The following CLCN6 variants were observed in gnomAD, a reference collection of about 807,000 sequenced individuals.
CLCN6 encodes Cl-/H+ antiporter 6, also known as H(+)/Cl(-) exchange transporter 6.
Under a neutral mutation model 109.8 loss-of-function variants are expected in CLCN6, and 70 were observed. That is an observed-to-expected ratio of 0.64 (90% CI 0.53 to 0.78). The LOEUF (loss-of-function observed/expected upper bound fraction) is 0.78, where lower values mean the gene tolerates loss of function less well. Among genes scored for constraint, CLCN6 ranks in the 30% least tolerant of loss-of-function variants. The pLI is 0.00. For synonymous variants in CLCN6, 444 were observed against 447.8 expected (o/e 0.99, Z 0.11); for missense variants, 984 against 1,142.3 (o/e 0.86, Z 2.00).
At chr1:11,816,064 A>G (rs1644666260) in intron 3 of CLCN6, 153 bp downstream of exon 3, 1 of 610,216 alleles carries the variant, frequency 1.6e-6, no homozygotes, top group Admixed American at 3.1e-5. Flanking sequence ...GCTTTGCTTT[A>G]TTTCACCTCG....
chr1:11,814,200 G>A (rs893934857), intron 2 of CLCN6, among the ~76,000 whole-genome samples: 2 of 151,396 alleles, frequency 1.3e-5, no homozygotes, highest in Non-Finnish European at 2.9e-5. Flanking sequence ...GTGGGAAGGA[G>A]AGCTGATGGC....
intron 22 of CLCN6, among the ~76,000 whole-genome samples, chr1:11,839,698 C>T (rs1306161269): frequency 1.3e-5 from 2 of 152,220 alleles, no homozygotes; most frequent in African/African-American, 2.4e-5. Context: ...TAGTTTATGA[C>T]GTGGCTTTGG....
Position 11,837,471 on chromosome 1 carries a change from G to A in CLCN6, c.2267G>A (p.Arg756Gln), listed in dbSNP as rs367545491. 11 of 1,613,874 alleles carry A rather than the reference G, an allele frequency of 6.8e-6. No homozygotes were observed. The highest frequency in any genetic ancestry group is 1.3e-5 in the African/African-American group (1 of 74,914). ...TCGCAGCTTGTCACCCTGCTTGTCC[G>A]AGGAGTTTGTTACTCTGAAAGCCAG... Reference protein sequence around the residue: ...LRSQLVTLLVRGVCYSESQSS... With the variant: ...LRSQLVTLLVQGVCYSESQSS... The change falls in exon 20 of 23, where the codon CGA becomes CAA. Residue 756 changes from arginine (R) to glutamine (Q), a missense_variant. Arg to Gln is a conservative substitution (Grantham distance 43, BLOSUM62 1). Coordinates refer to ENST00000346436, the MANE Select transcript of CLCN6 (RefSeq NM_001286.5).
intron 14 of CLCN6, 23 bp downstream of exon 14, chr1:11,833,661 A>G: frequency 6.2e-7 from 1 of 1,612,192 alleles, no homozygotes; most frequent in Middle Eastern, 1.7e-4. Context: ...ACTGCAGCCC[A>G]ATCGTGGGTG....
Position 11,812,719 on chromosome 1 carries a change from G to A in CLCN6, c.148-3127G>A, listed in dbSNP as rs1415669291. ...GTGTGTGTGTGTGTGTGTATTGTTG[G>A]GGCTCAGAAAATGATACCTGGAAAT... On this transcript the variant is annotated intron_variant, in intron 2 of 22. Coordinates refer to ENST00000346436, the MANE Select transcript of CLCN6 (RefSeq NM_001286.5). Among the ~76,000 whole-genome samples, 10 of 137,766 alleles carry A rather than the reference G, an allele frequency of 7.3e-5. No homozygotes were observed. In the East Asian group the frequency reaches 2.1e-3, roughly 29 times the overall value. The allele number at this position is 137,766 out of a possible 152,430, so 90.4% of individuals were successfully genotyped here.
intron 2 of CLCN6, among the ~76,000 whole-genome samples, chr1:11,810,370 T>C (rs778001268): frequency 1.3e-4 from 20 of 152,196 alleles, no homozygotes; most frequent in Non-Finnish European, 2.5e-4. Flanking sequence ...CTATTTATAT[T>C]GTACCTTTGA....
At chr1:11,815,941 A>T (rs768653151) in intron 3 of CLCN6, 30 bp downstream of exon 3, 24 of 1,539,310 alleles carry the variant, frequency 1.6e-5, no homozygotes, top group Non-Finnish European at 2.1e-5. Flanking sequence ...ATCTCTGGGG[A>T]TCAAATCAGT....
In CLCN6 at chr1:11,822,709, A is replaced by G. The variant is rs556415452; in HGVS notation, c.361A>G (p.Ser121Gly). 8 of 1,613,092 alleles carry G rather than the reference A, an allele frequency of 5.0e-6. No homozygotes were observed. Among genetic ancestry groups the G allele is most frequent in the Non-Finnish European group, 6.8e-6 (8 of 1,179,232 alleles). ...GVVQTSVEEC[S>G]QKGCLALSLL... Reference sequence around the variant, plus strand: ...AGTTTCCGCAGCGGTGGAGGAGTGCAGCCAGAAAGGCTGCCTCGCTCTGTC... The same window carrying G: ...AGTTTCCGCAGCGGTGGAGGAGTGCGGCCAGAAAGGCTGCCTCGCTCTGTC... Residue 121 changes from serine to glycine, a missense_variant, in exon 6 of 23, where the codon AGC becomes GGC. Coordinates refer to ENST00000346436, the MANE Select transcript of CLCN6 (RefSeq NM_001286.5).
chr1:11,811,824 A>G (rs1307343037), intron 2 of CLCN6, among the ~76,000 whole-genome samples: 1 of 152,200 alleles, frequency 6.6e-6, no homozygotes, highest in Non-Finnish European at 1.5e-5. Flanking sequence ...CTAGATATCT[A>G]AAAACCTTCT....
intron 12 of CLCN6, 150 bp downstream of exon 12, chr1:11,828,774 C>A: frequency 1.1e-6 from 1 of 893,770 alleles, no homozygotes; most frequent in South Asian, 1.7e-5. Flanking sequence ...TGCATCTTCC[C>A]TACTTGACAG....
Position 11,823,713 on chromosome 1 carries a change from G to T in CLCN6, c.460G>T (p.Ala154Ser), listed in dbSNP as rs376070186. The change falls in exon 7 of 23, where the codon GCA (alanine) becomes TCA (serine). Residue 154 changes from alanine to serine, a missense_variant. Transcript: ENST00000346436. ...GCCTGCTCTCCTCCATCAGCCGGTG[G>T]CAGCAGGTTCCGGGATACCCGAGGT... ...ASLLVLIEPV[A>S]AGSGIPEVKC... The T allele has an allele frequency of 1.9e-5, 31 of 1,614,210 alleles. No homozygotes were observed. In the East Asian group the frequency reaches 4.9e-4, roughly 26 times the overall value.
rs540318980 is a variant in CLCN6, at chr1:11,842,475, T to C, written c.*2252T>C. 1 of 152,712 alleles carries C rather than the reference T, an allele frequency of 6.5e-6. No homozygotes were observed. Among genetic ancestry groups the C allele is most frequent in the Admixed American group, 6.5e-5 (1 of 15,284 alleles). The allele number at this position is 152,712 out of a possible 1,614,324, so 9.5% of individuals were successfully genotyped here. A position where few individuals can be genotyped will look rare whatever the true frequency, so the allele number is the denominator to read the frequency against. ...CCAAAGACAGCAACTTCTCCACTCA[T>C]GACAAATCAACTGTGACCCTCGCTC... On this transcript the variant is annotated 3_prime_UTR_variant, in exon 23 of 23. Coordinates refer to ENST00000346436, the MANE Select transcript of CLCN6 (RefSeq NM_001286.5).
chr1:11,824,619 C>G, intron 8 of CLCN6, 66 bp downstream of exon 8: 1 of 1,345,374 alleles, frequency 7.4e-7, no homozygotes, highest in Non-Finnish European at 1.0e-6. Context: ...TACACTGGGC[C>G]AAATCCATTG....
At chr1:11,827,320 G>GT (rs892485076) in intron 10 of CLCN6, 99 bp downstream of exon 10, 41 of 1,285,586 alleles carry the variant, frequency 3.2e-5, no homozygotes, top group Middle Eastern at 5.5e-4. Context: ...TGAGACTGGG[G>GT]GGTCAACTGG....
At chr1:11,835,161 C>T (rs1055932460) in intron 17 of CLCN6, among the ~76,000 whole-genome samples, 8 of 152,242 alleles carry the variant, frequency 5.3e-5, no homozygotes, top group Middle Eastern at 3.2e-3. Flanking sequence ...CACGACTACT[C>T]GACTCTGTCA....
intron 1 of CLCN6, 132 bp from the exon 2 acceptor site, chr1:11,806,999 T>G: frequency 2.6e-6 from 2 of 777,962 alleles, no homozygotes; most frequent in Non-Finnish European, 4.2e-6. Context: ...AAAGGTTTTT[T>G]TTGAGGGCTG....
chr1:11,830,835 G>GTTTGTTTGT (rs566355412), intron 13 of CLCN6, among the ~76,000 whole-genome samples: 6,208 of 147,970 alleles, frequency 0.042, 176 homozygotes, highest in Middle Eastern at 0.083. Flanking sequence ...ATATATTTCT[G>GTTTGTTTGT]TTTGTTTTGT....
chr1:11,834,721 G>A lies in CLCN6; in HGVS notation c.1793+131G>A, dbSNP rs532164189. On this transcript the variant is annotated intron_variant, in intron 17 of 22. Transcript: ENST00000346436. The surrounding 1 kb of genome is among the most constrained non-coding windows in gnomAD (Gnocchi z 4.5). ...TGAAAGAAGCAACACACCCATTCCT[G>A]AGCATGTGTGAGAATGTGGAGCAGC... 3 of 787,694 alleles carry A rather than the reference G, an allele frequency of 3.8e-6. No individual in the cohort carries two copies. In the African/African-American group the frequency reaches 5.1e-5, roughly 14 times the overall value. The allele number at this position is 787,694 out of a possible 1,614,324, so 48.8% of individuals were successfully genotyped here. A position where few individuals can be genotyped will look rare whatever the true frequency, so the allele number is the denominator to read the frequency against.
chr1:11,810,593 C>A (rs1023528588), intron 2 of CLCN6, among the ~76,000 whole-genome samples: 1 of 152,188 alleles, frequency 6.6e-6, no homozygotes, highest in Non-Finnish European at 1.5e-5. Context: ...CCCTGCAAGA[C>A]ACAGATAACA....
Sources: allele counts gnomAD v4.1 joint callset (sites outside exome capture counted in the v4.1 genomes callset), GRCh38; gene constraint gnomAD v4.1.1; non-coding constraint Gnocchi (gnomAD v3.1); transcripts MANE v1.5; gene names NCBI Gene and HGNC (gene_info 2026-07-23, HGNC 2026-07-21).